The following COL6A5 variants were observed in gnomAD, a reference collection of about 807,000 sequenced individuals.
The protein encoded by COL6A5 is collagen alpha-5(VI) chain.
A neutral mutation model predicts 65.6 loss-of-function variants in COL6A5; 48 were observed. The observed-to-expected ratio is 0.73, with a 90% CI of 0.58 to 0.93. COL6A5 has a LOEUF of 0.93. Among genes scored for constraint, COL6A5 ranks in the 40% least tolerant of loss-of-function variants. The pLI, the probability that COL6A5 is intolerant of heterozygous loss-of-function variation, is 0.00. For missense variants in COL6A5, 914 were observed against 928.3 expected, an observed-to-expected ratio of 0.98 and a Z score of 0.20; for synonymous variants, 291 against 322.8, an observed-to-expected ratio of 0.90 and a Z score of 1.05.
intron 1 of COL6A5, among the ~76,000 whole-genome samples, chr3:130,352,621 C>T (rs1431884764): frequency 1.3e-5 from 2 of 152,080 alleles, no homozygotes; most frequent in Non-Finnish European, 2.9e-5. Flanking sequence ...AACAGTTGCT[C>T]AAGGCCACAT....
At chr3:130,482,272 A>G (rs952764895) in intron 7 of COL6A5, among the ~76,000 whole-genome samples, 1 of 152,172 alleles carries the variant, frequency 6.6e-6, no homozygotes, top group Non-Finnish European at 1.5e-5. Flanking sequence ...ATGGCTAGCC[A>G]GTTTTCCAAC....
chr3:130,437,214 T>C (rs2107699720), intron 1 of COL6A5, among the ~76,000 whole-genome samples: 1 of 152,256 alleles, frequency 6.6e-6, no homozygotes, highest in Middle Eastern at 3.4e-3. Flanking sequence ...TATGTACATA[T>C]ATACACTAAA....
Position 130,379,625 on chromosome 3 carries a change from G to A in COL6A5, c.875G>A (p.Ser292Asn), listed in dbSNP as rs146891189. ...AAGACTATTTCTTTTCTTAAATCAA[G>A]CACAACCCAATCTGAATTTCAGCAG... The change falls in exon 4 of 42, where the codon AGC (serine) becomes AAC (asparagine). Residue 292 changes from serine (S) to asparagine (N), a missense_variant and NMD_transcript_variant. Coordinates refer to the COL6A5 transcript ENST00000312481. 5.2e-4 allele frequency: 807 copies of A among 1,551,418 alleles called. 4 individuals are homozygous for A. In the African/African-American group the frequency reaches 9.3e-3, roughly 18 times the overall value.
At chr3:130,471,860 G>C in intron 7 of COL6A5, 2 of 1,494,356 alleles carry the variant, frequency 1.3e-6, no homozygotes, top group Non-Finnish European at 1.8e-6. Context: ...GGCAATGAAA[G>C]ACAAGGAAAA....
exon 6 of COL6A5, chr3:130,468,815 A>G (rs1168161715): frequency 6.2e-7 from 1 of 1,608,488 alleles, no homozygotes; most frequent in Non-Finnish European, 8.5e-7. Flanking sequence ...TTATGGCAGA[A>G]AAGAAGAACC....
chr3:130,406,676 GA>G (rs1193952987), intron 17 of COL6A5, among the ~76,000 whole-genome samples: 29 of 146,328 alleles, frequency 2.0e-4, no homozygotes, highest in East Asian at 1.2e-3. Flanking sequence ...TATTATGTCA[GA>G]AAAAAAAAAG....
intron 1 of COL6A5, among the ~76,000 whole-genome samples, chr3:130,369,589 G>T (rs1935475051): frequency 6.6e-6 from 1 of 152,052 alleles, no homozygotes; most frequent in Non-Finnish European, 1.5e-5. Flanking sequence ...AAAATAGATT[G>T]CCCCATAAAA....
chr3:130,443,950 C>A (rs1266663864), intron 4 of COL6A5, among the ~76,000 whole-genome samples: 1 of 152,128 alleles, frequency 6.6e-6, no homozygotes, highest in Admixed American at 6.5e-5. Flanking sequence ...CTGCCTGGGA[C>A]TCTTGCTCCA....
chr3:130,379,508 A>C (rs1935912048), exon 4 of COL6A5: 1 of 1,551,288 alleles, frequency 6.4e-7, no homozygotes, highest in Non-Finnish European at 8.7e-7. Context: ...AATTTAAGGC[A>C]TCTTCAGACC....
chr3:130,394,009 A>AGAT (rs1936501431), intron 7 of COL6A5, among the ~76,000 whole-genome samples: 1 of 78,966 alleles, frequency 1.3e-5, no homozygotes, highest in Non-Finnish European at 2.3e-5. Flanking sequence ...CTACCCTTAC[A>AGAT]AGGAATTCTG....
At chr3:130,391,413 G>T (rs146510478) in exon 7 of COL6A5, 3 of 1,551,682 alleles carry the variant, frequency 1.9e-6, no homozygotes, top group African/African-American at 1.4e-5. Flanking sequence ...CTGCGGAAGC[G>T]CAGGGACACT....
chr3:130,455,819 T>C (rs1709559102), intron 5 of COL6A5, among the ~76,000 whole-genome samples, 153 bp downstream of exon 37: 2 of 152,134 alleles, frequency 1.3e-5, no homozygotes, highest in African/African-American at 4.8e-5. Context: ...TTTATTGAAA[T>C]TGAAGAAGTG....
rs1005370828 is a variant in COL6A5, at chr3:130,388,781, A to G, written c.2063A>G (p.Gln688Arg). ...TTCCAGCTTAATAGATATTTTACACAGCAAGAAATTTCTGATGCAATAGAT... is the reference window on the plus strand; with the variant it reads ...TTCCAGCTTAATAGATATTTTACACGGCAAGAAATTTCTGATGCAATAGAT... Residue 688 changes from glutamine (Q) to arginine (R), a missense_variant and NMD_transcript_variant, in exon 6 of 42, where the codon CAG (glutamine) becomes CGG (arginine). By Grantham distance (43) the Gln-to-Arg change is conservative. Transcript: ENST00000312481. The G allele has an allele frequency of 5.2e-6, 8 of 1,551,276 alleles. No individual in the cohort carries two copies. The African/African-American group carries it at 1.1e-4, about 21-fold the overall frequency.
At chr3:130,471,917 G>T (rs1472582858) in intron 7 of COL6A5, 12 of 1,534,272 alleles carry the variant, frequency 7.8e-6, no homozygotes, top group African/African-American at 2.7e-5. Flanking sequence ...TAAACAGCAA[G>T]AAAAAGAAGG....
chr3:130,424,281 T>C (rs1489856245), intron 29 of COL6A5, among the ~76,000 whole-genome samples: 1 of 152,116 alleles, frequency 6.6e-6, no homozygotes. Context: ...AAAACCACTA[T>C]TGTTGCCTTC....
At chr3:130,446,599 C>A (rs1709310510) in intron 4 of COL6A5, among the ~76,000 whole-genome samples, 1 of 152,016 alleles carries the variant, frequency 6.6e-6, no homozygotes, top group South Asian at 2.1e-4. Flanking sequence ...ATTTGGTGTG[C>A]CTGTTTCTGT....
At chr3:130,413,421 G>T in intron 20 of COL6A5, 124 bp from the exon 21 acceptor site, 2 of 882,694 alleles carry the variant, frequency 2.3e-6, no homozygotes, top group South Asian at 3.1e-5. Flanking sequence ...AAATGCCTCA[G>T]GGAAACTGTT....
intron 7 of COL6A5, among the ~76,000 whole-genome samples, chr3:130,481,185 A>G (rs1359343843): frequency 6.6e-6 from 1 of 151,694 alleles, no homozygotes; most frequent in Non-Finnish European, 1.5e-5. Flanking sequence ...TCCTAATGCT[A>G]TCACTCCCTT....
chr3:130,414,225 G>T (rs898921700), intron 22 of COL6A5, 94 bp downstream of exon 22: 3 of 998,682 alleles, frequency 3.0e-6, no homozygotes, highest in Admixed American at 4.3e-5. Flanking sequence ...AAATAACTGA[G>T]AATCTGCCCC....
Sources: allele counts gnomAD v4.1 joint callset (sites outside exome capture counted in the v4.1 genomes callset), GRCh38; gene constraint gnomAD v4.1.1; transcripts MANE v1.5; gene names NCBI Gene and HGNC (gene_info 2026-07-23, HGNC 2026-07-21).